CFAP54: variants seen among roughly 807,000 people sequenced by gnomAD.
CFAP54 encodes the protein cilia and flagella associated protein 54.
Under a neutral mutation model 370.4 loss-of-function variants are expected in CFAP54, and 290 were observed. The ratio of observed to expected loss-of-function variants is 0.78; its 90% CI spans 0.71 to 0.86. The LOEUF (loss-of-function observed/expected upper bound fraction) is 0.86. Among genes scored for constraint, CFAP54 ranks in the 40% least tolerant of loss-of-function variants. The pLI is 0.00. For missense variants in CFAP54, 3,399 were observed against 3,528.7 expected (o/e 0.96, Z 0.93); for synonymous variants, 1,206 against 1,236.5 (o/e 0.98, Z 0.52).
intron 62 of CFAP54, among the ~76,000 whole-genome samples, chr12:96,791,952 C>T (rs535851036): frequency 4.7e-4 from 71 of 151,744 alleles, no homozygotes; most frequent in Admixed American, 1.7e-3. Context: ...CAGGTTCAAG[C>T]AATTCTCCTG....
intron 42 of CFAP54, among the ~76,000 whole-genome samples, chr12:96,687,730 G>GCA (rs368946451): frequency 1.3e-5 from 2 of 151,670 alleles, no homozygotes; most frequent in Non-Finnish European, 2.9e-5. Context: ...ACACACACAC[G>GCA]CACACACACA....
At chr12:96,849,445 A>C in intron 66 of CFAP54, among the ~76,000 whole-genome samples, 1 of 152,206 alleles carries the variant, frequency 6.6e-6, no homozygotes, top group East Asian at 1.9e-4. Context: ...AATTGATGAA[A>C]ACGTAACTGA....
chr12:96,867,670 A>G (rs933864870), intron 67 of CFAP54, among the ~76,000 whole-genome samples: 6 of 152,222 alleles, frequency 3.9e-5, no homozygotes, highest in Admixed American at 1.3e-4. Context: ...AGAAAGACAA[A>G]TACTGCATGA....
In CFAP54 at chr12:96,580,634, G is replaced by A. The variant is rs866141518; in HGVS notation, c.2834G>A (p.Gly945Glu). Reference protein sequence around the residue: ...WYCILGCKAEGSYGKVRLNNN... With the variant: ...WYCILGCKAEESYGKVRLNNN... ...TGCATTTTGGGTTGCAAAGCAGAAGGAAGTTATGGAAAAGTACGGCTAAAC... is the reference window on the plus strand; with the variant it reads ...TGCATTTTGGGTTGCAAAGCAGAAGAAAGTTATGGAAAAGTACGGCTAAAC... Residue 945 changes from glycine to glutamate, a missense_variant, in exon 21 of 68, where the codon GGA becomes GAA. Gly to Glu is a moderately conservative substitution (Grantham distance 98). Around this residue, in one of 3 missense-constraint regions of CFAP54, gnomAD observed 2,796 missense variants for 2,869.7 expected, o/e 0.97. Coordinates refer to ENST00000524981, the MANE Select transcript of CFAP54 (RefSeq NM_001306084.2). 6.5e-7 allele frequency: 1 copy of A among 1,527,440 alleles called. No homozygotes were observed. The highest frequency in any genetic ancestry group is 2.0e-5 in the Admixed American group (1 of 50,006). 94.6% of individuals were successfully genotyped at this position (1,527,440 alleles called of 1,614,324 possible).
intron 52 of CFAP54, 58 bp downstream of exon 52, chr12:96,742,644 G>T: frequency 7.1e-7 from 1 of 1,404,000 alleles, no homozygotes; most frequent in Non-Finnish European, 9.8e-7. Flanking sequence ...TAGGTGAAGA[G>T]GGGTTTATTG....
chr12:96,688,742 T>A (rs904326007), intron 42 of CFAP54, among the ~76,000 whole-genome samples, 174 bp from the exon 43 acceptor site: 1 of 152,066 alleles, frequency 6.6e-6, no homozygotes, highest in Non-Finnish European at 1.5e-5. Context: ...GGCAGTAGGA[T>A]TATAGGGGAT....
At chr12:96,816,977 A>G (rs534393009) in intron 64 of CFAP54, among the ~76,000 whole-genome samples, 13 of 151,010 alleles carry the variant, frequency 8.6e-5, no homozygotes, top group African/African-American at 2.9e-4. Context: ...CACCCTCTTC[A>G]CTCCCATTCC....
At chr12:96,826,537 T>C (rs1417236163) in intron 65 of CFAP54, among the ~76,000 whole-genome samples, 1 of 44,098 alleles carries the variant, frequency 2.3e-5, no homozygotes, top group Non-Finnish European at 4.3e-5. Context: ...TTATATATTA[T>C]ATATATAATT....
chr12:96,534,036 T>C, intron 10 of CFAP54, 26 bp from the exon 11 acceptor site: 1 of 1,502,740 alleles, frequency 6.7e-7, no homozygotes, highest in Non-Finnish European at 8.8e-7. Context: ...AATTACTAAT[T>C]AACGTGTGGG....
At chr12:96,652,531 A>G (rs1375950941) in intron 36 of CFAP54, among the ~76,000 whole-genome samples, 1 of 152,228 alleles carries the variant, frequency 6.6e-6, no homozygotes, top group Non-Finnish European at 1.5e-5. Context: ...AGTAAAAGGG[A>G]AGATTAAGTA....
intron 39 of CFAP54, among the ~76,000 whole-genome samples, chr12:96,670,955 G>A (rs950635360): frequency 6.6e-6 from 1 of 152,080 alleles, no homozygotes; most frequent in Non-Finnish European, 1.5e-5. Flanking sequence ...TTTCAATGAG[G>A]CTTACCCTGA....
At chr12:96,834,827 A>G (rs558769485) in intron 66 of CFAP54, among the ~76,000 whole-genome samples, 258 of 152,282 alleles carry the variant, frequency 1.7e-3, no homozygotes, top group Non-Finnish European at 2.9e-3. Context: ...CTGAGTTCTT[A>G]TCCTACGACT....
intron 60 of CFAP54, among the ~76,000 whole-genome samples, chr12:96,780,606 A>G (rs1958571719): frequency 6.6e-6 from 1 of 152,180 alleles, no homozygotes; most frequent in Non-Finnish European, 1.5e-5. Flanking sequence ...GTACACAGAA[A>G]CAAATACAAG....
chr12:96,723,792 AG>A (rs1476244501), intron 50 of CFAP54, among the ~76,000 whole-genome samples: 1 of 148,764 alleles, frequency 6.7e-6, no homozygotes, highest in African/African-American at 2.5e-5. Flanking sequence ...CTTGTCATTT[AG>A]CATTAGGTAT....
intron 22 of CFAP54, among the ~76,000 whole-genome samples, chr12:96,584,499 C>T (rs1592863777): frequency 6.6e-6 from 1 of 152,072 alleles, no homozygotes; most frequent in Non-Finnish European, 1.5e-5. Flanking sequence ...AGAGTTTTAA[C>T]TCTTCTTTTC....
At chr12:96,753,714 T>A (rs747483543) in intron 55 of CFAP54, 29 bp from the exon 56 acceptor site, 1 of 1,604,554 alleles carries the variant, frequency 6.2e-7, no homozygotes, top group Non-Finnish European at 8.5e-7. Context: ...ATTTTTTTGT[T>A]CTTCCCCACC....
intron 24 of CFAP54, 66 bp from the exon 25 acceptor site, chr12:96,594,225 C>A: frequency 8.9e-7 from 1 of 1,119,768 alleles, no homozygotes; most frequent in African/African-American, 1.5e-5. Context: ...TCTACCCATT[C>A]TCCGTAGAGA....
intron 42 of CFAP54, among the ~76,000 whole-genome samples, chr12:96,685,608 G>A (rs1389088506): frequency 6.6e-6 from 1 of 151,814 alleles, no homozygotes; most frequent in Non-Finnish European, 1.5e-5. Context: ...CTGGAGTGCA[G>A]TGGCTTGATC....
At chr12:96,761,124 A>T (rs1186722131) in intron 58 of CFAP54, among the ~76,000 whole-genome samples, 1 of 152,124 alleles carries the variant, frequency 6.6e-6, no homozygotes, top group Non-Finnish European at 1.5e-5. Context: ...CCTTGCTAAC[A>T]CTTGTTATTA....
Sources: allele counts gnomAD v4.1 joint callset (sites outside exome capture counted in the v4.1 genomes callset), GRCh38; gene constraint gnomAD v4.1.1; regional missense constraint gnomAD v4.1.1; transcripts MANE v1.5; gene names NCBI Gene and HGNC (gene_info 2026-07-23, HGNC 2026-07-21).